The following PBX1 variants were observed in gnomAD, a reference collection of about 807,000 sequenced individuals.
The protein encoded by PBX1 is pre-B-cell leukemia transcription factor 1.
A neutral mutation model predicts 53.4 loss-of-function variants in PBX1; 6 were observed. The observed-to-expected ratio is 0.11, with a 90% CI of 0.06 to 0.22. PBX1 has a LOEUF of 0.22. PBX1 is among the 10% of genes least tolerant of loss of function. PBX1 has a pLI of 1.00. For synonymous variants in PBX1, 204 were observed against 212.3 expected (o/e 0.96, Z 0.34); for missense variants, 251 against 551.4 (o/e 0.46, Z 5.46).
chr1:164,577,680 C>T (rs934736586), intron 2 of PBX1, among the ~76,000 whole-genome samples: 2 of 152,186 alleles, frequency 1.3e-5, no homozygotes, highest in African/African-American at 2.4e-5. Flanking sequence ...CTGCAGTAGA[C>T]GGTCCAGAAA....
In PBX1 at chr1:164,846,851, C is replaced by G; in HGVS notation, c.*175C>G. 1 of 1,431,538 alleles carries G rather than the reference C, an allele frequency of 7.0e-7. No homozygotes were observed. The highest frequency in any genetic ancestry group is 1.5e-5 in the South Asian group (1 of 65,446). The allele number at this position is 1,431,538 out of a possible 1,614,324, so 88.7% of individuals were successfully genotyped here. On this transcript the variant is annotated 3_prime_UTR_variant, in exon 9 of 9. Coordinates refer to ENST00000420696, the MANE Select transcript of PBX1 (RefSeq NM_002585.4). Reference sequence around the variant, plus strand: ...GATGCTATTTCAGCCAATCTGGACACTTCTTTATACTCTCTTCCCTTTTTT... The same window carrying G: ...GATGCTATTTCAGCCAATCTGGACAGTTCTTTATACTCTCTTCCCTTTTTT...
rs192739054 is a variant in PBX1, at chr1:164,802,291, C to G, written c.701+2402C>G. 3.2e-3 allele frequency among the ~76,000 whole-genome samples: 482 copies of G among 152,320 alleles called. 4 individuals are homozygous for G. Among genetic ancestry groups the G allele is most frequent in the African/African-American group, 0.01 (423 of 41,566 alleles). On this transcript the variant is annotated intron_variant, in intron 4 of 8. Coordinates refer to ENST00000420696, the MANE Select transcript of PBX1 (RefSeq NM_002585.4). ...GGGCCTGGGCATGGCTTAGCTGGAT[C>G]CTCTGCCCTAATCACAGCGAATCTG... is the stretch of plus-strand genomic sequence containing the variant.
At chr1:164,675,348 T>G (rs1046964762) in intron 2 of PBX1, among the ~76,000 whole-genome samples, 4 of 152,158 alleles carry the variant, frequency 2.6e-5, no homozygotes, top group African/African-American at 9.7e-5. Context: ...TATTATAGGT[T>G]GGTGCAAAAG....
chr1:164,561,162 T>C (rs1653012741), intron 1 of PBX1, among the ~76,000 whole-genome samples: 1 of 152,222 alleles, frequency 6.6e-6, no homozygotes, highest in Non-Finnish European at 1.5e-5. Flanking sequence ...CGTTTTTCTC[T>C]TTGAAAACCC....
intron 3 of PBX1, among the ~76,000 whole-genome samples, chr1:164,799,355 G>A (rs1455293506): frequency 2.0e-5 from 3 of 152,042 alleles, no homozygotes; most frequent in Non-Finnish European, 4.4e-5. Flanking sequence ...GCTGGGCGTG[G>A]TGGCGGGCGC....
rs1405288301 is a variant in PBX1 at position 164,847,363 on chromosome 1, G to A, written c.*687G>A. 2 of 1,064,776 alleles carry A rather than the reference G, an allele frequency of 1.9e-6. No homozygotes were observed. The highest frequency in any genetic ancestry group is 1.1e-6 in the Non-Finnish European group (1 of 878,940). 66.0% of individuals were successfully genotyped at this position (1,064,776 alleles called of 1,614,324 possible). ...TTTTCAGTTTCATCTCCACTAGGTT[G>A]GTTCCCGGGCAGGAAGTCAGGCAGC... On this transcript the variant is annotated 3_prime_UTR_variant, in exon 9 of 9. Coordinates refer to ENST00000420696, the MANE Select transcript of PBX1 (RefSeq NM_002585.4).
At chr1:164,671,122 T>C (rs368761475) in intron 2 of PBX1, among the ~76,000 whole-genome samples, 1 of 152,152 alleles carries the variant, frequency 6.6e-6, no homozygotes. Context: ...GATTCAGTTA[T>C]TCTGCACCGA....
At chr1:164,601,159 C>T (rs1656141416) in intron 2 of PBX1, among the ~76,000 whole-genome samples, 2 of 146,108 alleles carry the variant, frequency 1.4e-5, no homozygotes, top group African/African-American at 5.2e-5. Flanking sequence ...TTGCTTGAAC[C>T]TGGGAGGCCG....
chr1:164,761,554 C>T (rs1666814638), intron 2 of PBX1, among the ~76,000 whole-genome samples: 1 of 152,048 alleles, frequency 6.6e-6, no homozygotes, highest in Non-Finnish European at 1.5e-5. Flanking sequence ...ACGCCATTCT[C>T]CTGCCTCAGC....
chr1:164,665,347 C>T (rs1660744482), intron 2 of PBX1, among the ~76,000 whole-genome samples: 1 of 152,180 alleles, frequency 6.6e-6, no homozygotes, highest in South Asian at 2.1e-4. Flanking sequence ...TGCAGTGTTG[C>T]GATCTCAGCT....
chr1:164,687,196 G>T (rs1250998257), intron 2 of PBX1, among the ~76,000 whole-genome samples: 1 of 152,102 alleles, frequency 6.6e-6, no homozygotes, highest in Non-Finnish European at 1.5e-5. Flanking sequence ...AAGGAAGAGA[G>T]GCTGGAACAA....
At chr1:164,720,343 G>A (rs751410205) in intron 2 of PBX1, among the ~76,000 whole-genome samples, 1 of 152,072 alleles carries the variant, frequency 6.6e-6, no homozygotes, top group Non-Finnish European at 1.5e-5. Flanking sequence ...TGGATTCTAA[G>A]CTCTTAGATG....
At chr1:164,789,786 A>T (rs530026095) in intron 2 of PBX1, among the ~76,000 whole-genome samples, 1 of 152,336 alleles carries the variant, frequency 6.6e-6, no homozygotes, top group African/African-American at 2.4e-5. Flanking sequence ...AAGGGTTACC[A>T]GCCTCAGCTT....
chr1:164,670,286 G>T (rs1171775244), intron 2 of PBX1, among the ~76,000 whole-genome samples: 1 of 152,188 alleles, frequency 6.6e-6, no homozygotes, highest in Non-Finnish European at 1.5e-5. Flanking sequence ...AAGAAGTGCT[G>T]GGGAGGAACC....
At chr1:164,751,575 GCCC>G (rs770128250) in intron 2 of PBX1, among the ~76,000 whole-genome samples, 1 of 135,270 alleles carries the variant, frequency 7.4e-6, no homozygotes, top group South Asian at 2.5e-4. Flanking sequence ...TGGGTTTATT[GCCC>G]CCCTTTTTTT....
chr1:164,655,100 G>GTTTTTTTTTTTT (rs35954587), intron 2 of PBX1, among the ~76,000 whole-genome samples: 4 of 138,816 alleles, frequency 2.9e-5, no homozygotes, highest in Non-Finnish European at 4.6e-5. Context: ...TCTGATGTGT[G>GTTTTTTTTTTTT]TTTTTTTTTT....
intron 3 of PBX1, among the ~76,000 whole-genome samples, chr1:164,793,542 G>A (rs1668627688): frequency 6.6e-6 from 1 of 152,148 alleles, no homozygotes; most frequent in Admixed American, 6.5e-5. Flanking sequence ...CTACAAAGCA[G>A]TACATGTAGG....
chr1:164,856,793 G>T (rs573108817), downstream of PBX1, among the ~76,000 whole-genome samples: 60 of 151,946 alleles, frequency 3.9e-4, no homozygotes, highest in African/African-American at 1.4e-3. Context: ...TTTTCTGTTC[G>T]CACCTAGTGA....
At chr1:164,693,456 A>G (rs1321807330) in intron 2 of PBX1, among the ~76,000 whole-genome samples, 1 of 152,212 alleles carries the variant, frequency 6.6e-6, no homozygotes, top group Non-Finnish European at 1.5e-5. Context: ...AAAGTATGAC[A>G]TTTTTATGGC....
Sources: allele counts gnomAD v4.1 joint callset (sites outside exome capture counted in the v4.1 genomes callset), GRCh38; gene constraint gnomAD v4.1.1; transcripts MANE v1.5; gene names NCBI Gene and HGNC (gene_info 2026-07-23, HGNC 2026-07-21).